OCA2: variants seen among roughly 807,000 people sequenced by gnomAD.
The protein encoded by OCA2 is P protein.
A neutral mutation model predicts 100.2 loss-of-function variants in OCA2; 77 were observed. The observed-to-expected ratio is 0.77, with a 90% CI of 0.64 to 0.93. OCA2 has a LOEUF of 0.93. OCA2 is among the 40% of genes least tolerant of loss of function. The pLI is 0.00. For synonymous variants in OCA2, 432 were observed against 439.2 expected, an observed-to-expected ratio of 0.98 and a Z score of 0.21; for missense variants, 1,062 against 1,089.1, an observed-to-expected ratio of 0.98 and a Z score of 0.35.
At chr15:28,033,355 CT>C (rs1214045942) in intron 2 of OCA2, among the ~76,000 whole-genome samples, 1 of 152,198 alleles carries the variant, frequency 6.6e-6, no homozygotes, top group Non-Finnish European at 1.5e-5. Context: ...AACAGTAATT[CT>C]TTCTGATCAC....
intron 23 of OCA2, among the ~76,000 whole-genome samples, chr15:27,807,088 C>A (rs935418913): frequency 1.0e-4 from 7 of 67,324 alleles, no homozygotes; most frequent in South Asian, 9.9e-4. Context: ...GACCTAGTCA[C>A]CCCCGGCCCG....
intron 23 of OCA2, among the ~76,000 whole-genome samples, chr15:27,809,415 A>G (rs2033986581): frequency 1.3e-5 from 2 of 152,222 alleles, no homozygotes; most frequent in South Asian, 4.1e-4. Flanking sequence ...AGCCAACATC[A>G]TACTGAATGG....
At chr15:27,773,896 T>G (rs759476082) in intron 23 of OCA2, among the ~76,000 whole-genome samples, 4 of 152,224 alleles carry the variant, frequency 2.6e-5, no homozygotes, top group Non-Finnish European at 4.4e-5. Context: ...CCTGAATTCT[T>G]GTAGAAATGA....
chr15:27,741,215 A>G, the OCA2 span, among the ~76,000 whole-genome samples: 1 of 152,230 alleles, frequency 6.6e-6, no homozygotes, highest in Non-Finnish European at 1.5e-5. Context: ...GATCTCTGAG[A>G]AACACATCCC....
At chr15:27,960,565 C>T (rs145606539) in intron 15 of OCA2, among the ~76,000 whole-genome samples, 1 of 152,232 alleles carries the variant, frequency 6.6e-6, no homozygotes, top group Non-Finnish European at 1.5e-5. Context: ...AAACCTGCCC[C>T]TGCTTAATCA....
chr15:27,979,871 T>C (rs980094182), intron 14 of OCA2, among the ~76,000 whole-genome samples: 1 of 144,712 alleles, frequency 6.9e-6, no homozygotes, highest in African/African-American at 2.5e-5. Flanking sequence ...AGCTAGTGTT[T>C]TTTTTTTTTT....
intron 2 of OCA2, among the ~76,000 whole-genome samples, chr15:28,068,480 C>T (rs2044093366): frequency 6.6e-6 from 1 of 152,174 alleles, no homozygotes; most frequent in Non-Finnish European, 1.5e-5. Flanking sequence ...AGCCCTGGGC[C>T]AGATGGATTC....
the OCA2 span, among the ~76,000 whole-genome samples, chr15:27,748,130 AC>A: frequency 6.6e-6 from 1 of 152,304 alleles, no homozygotes; most frequent in East Asian, 1.9e-4. Context: ...GCCCAGAAGA[AC>A]CAACTAGGGA....
chr15:27,964,611 C>G (rs1390388529), intron 15 of OCA2, among the ~76,000 whole-genome samples: 1 of 152,198 alleles, frequency 6.6e-6, no homozygotes, highest in African/African-American at 2.4e-5. Context: ...GGTACAAAGC[C>G]AACACAAGGA....
chr15:27,812,490 A>C (rs1233782088), intron 23 of OCA2, among the ~76,000 whole-genome samples: 1 of 152,214 alleles, frequency 6.6e-6, no homozygotes, highest in Non-Finnish European at 1.5e-5. Context: ...TTATATTGAC[A>C]TACAGAGAAA....
chr15:27,987,775 T>A (rs931799810), intron 11 of OCA2, among the ~76,000 whole-genome samples: 1 of 152,058 alleles, frequency 6.6e-6, no homozygotes. Context: ...AACCTTTCTG[T>A]CCTTCAGTTT....
At chr15:27,988,691 C>G (rs1205471392) in intron 11 of OCA2, among the ~76,000 whole-genome samples, 1 of 152,076 alleles carries the variant, frequency 6.6e-6, no homozygotes. Context: ...TATAGCATTC[C>G]TTTTTTAAAA....
At chr15:27,723,979 C>A in the OCA2 span, among the ~76,000 whole-genome samples, 1 of 152,174 alleles carries the variant, frequency 6.6e-6, no homozygotes, top group East Asian at 1.9e-4. Flanking sequence ...GCCGTCAGCT[C>A]CTATGTCCCA....
chr15:27,752,955 A>C (rs2030123440), downstream of OCA2, among the ~76,000 whole-genome samples: 1 of 151,990 alleles, frequency 6.6e-6, no homozygotes, highest in Admixed American at 6.6e-5. Context: ...AATGGAATCA[A>C]AGAGCCAGGC....
intron 1 of OCA2, among the ~76,000 whole-genome samples, chr15:28,097,369 G>C (rs973996233): frequency 6.6e-5 from 10 of 152,244 alleles, no homozygotes; most frequent in African/African-American, 2.2e-4. Context: ...TGAGCTGGTA[G>C]AGCCAGCGGC....
chr15:28,097,846 C>CTTTGG (rs2045014938), intron 1 of OCA2, among the ~76,000 whole-genome samples: 1 of 152,212 alleles, frequency 6.6e-6, no homozygotes, highest in African/African-American at 2.4e-5. Flanking sequence ...GTGGGAAGGC[C>CTTTGG]TTGGCAGTGG....
At chr15:27,728,877 T>A in the OCA2 span, among the ~76,000 whole-genome samples, 1 of 152,204 alleles carries the variant, frequency 6.6e-6, no homozygotes, top group African/African-American at 2.4e-5. Flanking sequence ...TGACAATAAA[T>A]CTCTCAATTT....
chr15:27,946,440 T>C (rs1486176501), intron 18 of OCA2, among the ~76,000 whole-genome samples: 1 of 152,228 alleles, frequency 6.6e-6, no homozygotes, highest in Non-Finnish European at 1.5e-5. Flanking sequence ...TGCTGTATGT[T>C]CAAACTGTGT....
At chr15:27,983,556 T>TA (rs779768068) in intron 13 of OCA2, 73 bp from the exon 14 acceptor site, 79 of 1,547,818 alleles carry the variant, frequency 5.1e-5, no homozygotes, top group Non-Finnish European at 1.2e-5. Flanking sequence ...AACCCAGAGA[T>TA]TTTTAAGGCG....
Sources: allele counts gnomAD v4.1 joint callset (sites outside exome capture counted in the v4.1 genomes callset), GRCh38; gene constraint gnomAD v4.1.1; transcripts MANE v1.5; gene names NCBI Gene and HGNC (gene_info 2026-07-23, HGNC 2026-07-21).